SELE: variants seen among roughly 807,000 people sequenced by gnomAD.
The protein encoded by SELE is selectin E, also known as E-selectin.
SELE carries 52 observed loss-of-function variants against 75.8 expected under a neutral mutation model. The observed-to-expected ratio is 0.69, with a 90% CI of 0.55 to 0.86. The LOEUF is 0.86. SELE is among the 40% of genes least tolerant of loss of function. The probability of loss-of-function intolerance (pLI) is 0.00; values close to 1 mark genes in which losing one functional copy is unlikely to be tolerated. For synonymous variants in SELE, 285 were observed against 258.7 expected (o/e 1.10, Z -0.98); for missense variants, 754 against 732.7 (o/e 1.03, Z -0.34).
chr1:169,725,696 C>A (rs770167589), intron 13 of SELE, 33 bp downstream of exon 13: 2 of 1,568,478 alleles, frequency 1.3e-6, no homozygotes, highest in Non-Finnish European at 1.8e-6. Context: ...GAAGATACCT[C>A]TCTCATAACC....
At position 169,729,321 on chromosome 1, in the gene SELE, G is replaced by C. The variant is rs146139168; in HGVS notation, c.955C>G (p.His319Asp). The change falls in exon 7 of 14, where the codon CAT (histidine) becomes GAT (aspartate). Residue 319 changes from histidine to aspartate, a missense_variant. His to Asp is a moderately conservative substitution (Grantham distance 81, BLOSUM62 -1). Coordinates refer to ENST00000333360, the MANE Select transcript of SELE (RefSeq NM_000450.2). ...AAGGTGAACTCTCCAGCAGGGGAAT[G>C]GCTGCACCTCACAGAGCCATTCTGA... ...QPQNGSVRCS[H>D]SPAGEFTFKS... The C allele has an allele frequency of 1.9e-6, 3 of 1,614,114 alleles. No individual in the cohort carries two copies. Among genetic ancestry groups the C allele is most frequent in the Non-Finnish European group, 2.5e-6 (3 of 1,180,010 alleles).
chr1:169,727,552 G>A, intron 9 of SELE, 27 bp from the exon 10 acceptor site: 14 of 1,590,682 alleles, frequency 8.8e-6, no homozygotes, highest in Non-Finnish European at 1.2e-5. Context: ...CACAGGCAGA[G>A]TTTCAGAAAA....
At chr1:169,727,315 A>G (rs1001391451) in intron 10 of SELE, 34 bp downstream of exon 10, 2 of 1,574,850 alleles carry the variant, frequency 1.3e-6, no homozygotes, top group Non-Finnish European at 1.7e-6. Context: ...TTTCTTTTTA[A>G]TCACCAGACA....
rs1446756343 is a variant in SELE, at chr1:169,722,917, G to A, written c.*1608C>T. The stretch of plus-strand genomic sequence containing the variant: ...TAGTTGTTCTCTCTTATTTCCCAGA[G>A]TTTTTCTGCCCCTTTAAAAGAACCT... On this transcript the variant is annotated 3_prime_UTR_variant, in exon 14 of 14. Transcript: ENST00000333360. 1.3e-5 allele frequency: 2 copies of A among 152,148 alleles called. No homozygotes were observed. The highest frequency in any genetic ancestry group is 1.3e-4 in the Admixed American group (2 of 15,260). The allele number at this position is 152,148 out of a possible 1,614,324, so 9.4% of individuals were successfully genotyped here. A position where few individuals can be genotyped will look rare whatever the true frequency, so the allele number is the denominator to read the frequency against.
chr1:169,729,372 C>T lies in SELE; in HGVS notation c.904G>A (p.Val302Met). The T allele has an allele frequency of 6.2e-7, 1 of 1,613,434 alleles. No homozygotes were observed. Among genetic ancestry groups the T allele is most frequent in the Non-Finnish European group, 8.5e-7 (1 of 1,179,658 alleles). ...WDNEKPTCKA[V>M]TCRAVRQPQN... is the part of the protein sequence containing the mutation. ...GGCTGGCGGACGGCCCTGCATGTCA[C>T]AGCTGTAACAAATATACGCATTGAT... The change falls in exon 7 of 14, where the codon GTG (valine) becomes ATG (methionine). Residue 302 changes from valine to methionine, a missense_variant and splice_region_variant. Physicochemically the swap from Val to Met is conservative, Grantham distance 21. Coordinates refer to ENST00000333360, the MANE Select transcript of SELE (RefSeq NM_000450.2).
At chr1:169,730,027 CT>C (rs1276225354) in intron 5 of SELE, among the ~76,000 whole-genome samples, 1 of 151,930 alleles carries the variant, frequency 6.6e-6, no homozygotes, top group African/African-American at 2.4e-5. Flanking sequence ...ACTGATTTTT[CT>C]TTTTTTGGCC....
Position 169,732,936 on chromosome 1 carries a change from C to G in SELE, c.100G>C (p.Asp34His), listed in dbSNP as rs372754267. Residue 34 changes from aspartate to histidine, a missense_variant, in exon 3 of 14, where the codon GAT becomes CAT. Physicochemically the swap from Asp to His is moderately conservative, Grantham distance 81. Coordinates refer to ENST00000333360, the MANE Select transcript of SELE (RefSeq NM_000450.2). ...TGCTGACAATAAGCACTGGCCTCATCATAAGTCATAGCTTCCGTGGAGGTG... is the reference window on the plus strand; with the variant it reads ...TGCTGACAATAAGCACTGGCCTCATGATAAGTCATAGCTTCCGTGGAGGTG... ...YNTSTEAMTY[D>H]EASAYCQQRY... 7 of 1,613,538 alleles carry G rather than the reference C, an allele frequency of 4.3e-6. No individual in the cohort carries two copies. In the South Asian group the frequency reaches 5.5e-5, roughly 13 times the overall value.
At chr1:169,726,005 G>T in intron 11 of SELE, 77 bp from the exon 12 acceptor site, 1 of 1,527,548 alleles carries the variant, frequency 6.5e-7, no homozygotes, top group South Asian at 1.1e-5. Context: ...GATACAATAT[G>T]ACTTAATTCA....
Position 169,729,213 on chromosome 1 carries a change from A to C in SELE, c.1063T>G (p.Trp355Gly). Residue 355 changes from tryptophan (W) to glycine (G), a missense_variant, in exon 7 of 14, where the codon TGG becomes GGG. By Grantham distance (184) the Trp-to-Gly change is radical (BLOSUM62 -2). Coordinates refer to ENST00000333360, the MANE Select transcript of SELE (RefSeq NM_000450.2). Reference protein sequence around the residue: ...AQVECTTQGQWTQQIPVCEAF... With the variant: ...AQVECTTQGQGTQQIPVCEAF... ...TCACAAACTGGGATTTGCTGTGTCC[A>C]CTGCCCTTGAGTGGTGCATTCAACC... 1.2e-6 allele frequency: 2 copies of C among 1,612,958 alleles called. No individual in the cohort carries two copies. The highest frequency in any genetic ancestry group is 1.7e-6 in the Non-Finnish European group (2 of 1,179,394).
rs752115354 is a variant in SELE, at chr1:169,729,633, G to A, written c.756C>T (p.Phe252=). ...TTCCAGGGTTTTGGAAACATTCCACGAACCCATTGGCTGGATTTGTCACAG... is the reference window on the plus strand; with the variant it reads ...TTCCAGGGTTTTGGAAACATTCCACAAACCCATTGGCTGGATTTGTCACAG... The part of the protein sequence containing the change: ...CDAVTNPANG[F]VECFQNPGSF... Residue 252 remains phenylalanine, a synonymous_variant, in exon 6 of 14, where the codon TTC becomes TTT. Transcript: ENST00000333360. 53 of 1,613,950 alleles carry A rather than the reference G, an allele frequency of 3.3e-5. No individual in the cohort carries two copies. The highest frequency in any genetic ancestry group is 2.5e-4 in the East Asian group (11 of 44,890).
rs190462101 is a variant in SELE, at chr1:169,725,821, A to C, written c.1776-20T>G. The C allele has an allele frequency of 1.2e-3, 1,954 of 1,614,004 alleles. 8 individuals carry two copies. Among genetic ancestry groups the C allele is most frequent in the Middle Eastern group, 7.8e-3 (47 of 6,060 alleles). On this transcript the variant is annotated intron_variant, in intron 12 of 13. Coordinates refer to ENST00000333360, the MANE Select transcript of SELE (RefSeq NM_000450.2). ...CAGCTGCTGTGGAATACATGAGAAC[A>C]CTAGGTAAAGCACTGTCTTCCAACA... is the stretch of plus-strand genomic sequence containing the variant.
chr1:169,732,655 A>G lies in SELE; in HGVS notation c.381T>C (p.Asp127=), dbSNP rs1208554694. Residue 127 remains aspartate, a synonymous_variant, in exon 3 of 14, where the codon GAT becomes GAC. Transcript: ENST00000333360. Reference sequence around the variant, plus strand: ...CAAGCTTCTTCTTGCTGCACCTCTCATCATTCCACATGCCCACATCTTTTT... The same window carrying G: ...CAAGCTTCTTCTTGCTGCACCTCTCGTCATTCCACATGCCCACATCTTTTT... ...KREKDVGMWN[D]ERCSKKKLAL... The G allele has an allele frequency of 6.2e-7, 1 of 1,611,732 alleles. No individual in the cohort carries two copies. Among genetic ancestry groups the G allele is most frequent in the Non-Finnish European group, 8.5e-7 (1 of 1,179,142 alleles).
chr1:169,727,965 C>A lies in SELE; in HGVS notation c.1280-38G>T, dbSNP rs144393584. ...AGAGAGCACTTTAGAAGTTTGTTTGCATCTCCAGCAATACGTTTCCCAAGG... is the reference window on the plus strand; with the variant it reads ...AGAGAGCACTTTAGAAGTTTGTTTGAATCTCCAGCAATACGTTTCCCAAGG... On this transcript the variant is annotated intron_variant, in intron 8 of 13. Transcript: ENST00000333360. The A allele has an allele frequency of 3.1e-6, 5 of 1,596,234 alleles. No individual in the cohort carries two copies. The South Asian group carries it at 5.7e-5, about 18-fold the overall frequency.
In SELE at chr1:169,727,728, C is replaced by G; in HGVS notation, c.1468+11G>C. Reference sequence around the variant, plus strand: ...GACCTGTACCCTAAAAAAGTCTGCACTCAATTCTACCTTGGCAGGAAGGAA... The same window carrying G: ...GACCTGTACCCTAAAAAAGTCTGCAGTCAATTCTACCTTGGCAGGAAGGAA... On this transcript the variant is annotated intron_variant, in intron 9 of 13. Coordinates refer to ENST00000333360, the MANE Select transcript of SELE (RefSeq NM_000450.2). The G allele has an allele frequency of 6.2e-7, 1 of 1,611,754 alleles. No individual in the cohort carries two copies. Among genetic ancestry groups the G allele is most frequent in the Non-Finnish European group, 8.5e-7 (1 of 1,178,538 alleles).
At chr1:169,726,874 C>G in intron 10 of SELE, 68 bp from the exon 11 acceptor site, 1 of 1,130,670 alleles carries the variant, frequency 8.8e-7, no homozygotes, top group Non-Finnish European at 1.3e-6. Context: ...CGTCCTGTCC[C>G]TTTGGCCTTT....
chr1:169,731,293 CT>C lies in SELE; in HGVS notation c.529+541del, dbSNP rs1391573352. Among the ~76,000 whole-genome samples, 3 of 152,146 alleles carry C rather than the reference CT, an allele frequency of 2.0e-5. No homozygotes were observed. The South Asian group carries it at 6.2e-4, about 31-fold the overall frequency. ...ACTGCACAACGCTGTGCTAAGGAAT[CT>C]TGGAGAGAAGCTCATCTAACTCTCT... On this transcript the variant is annotated intron_variant, in intron 4 of 13. Coordinates refer to ENST00000333360, the MANE Select transcript of SELE (RefSeq NM_000450.2).
Position 169,725,911 on chromosome 1 carries a change from C to T in SELE, c.1771G>A (p.Ala591Thr), listed in dbSNP as rs1648752466. 1 of 1,614,006 alleles carries T rather than the reference C, an allele frequency of 6.2e-7. No homozygotes were observed. Among genetic ancestry groups the T allele is most frequent in the Non-Finnish European group, 8.5e-7 (1 of 1,179,960 alleles). ...CLRKAKKFVP[A>T]SSCQSLESDG... The stretch of plus-strand genomic sequence containing the variant: ...TTGTATAAGAATGCAACTTACCTGG[C>T]AGGAACAAATTTCTTTGCTGCAAAA... The change falls in exon 12 of 14, where the codon GCC (alanine) becomes ACC (threonine). Residue 591 changes from alanine (A) to threonine (T), a missense_variant. By Grantham distance (58) the Ala-to-Thr change is moderately conservative. Transcript: ENST00000333360.
intron 7 of SELE, 93 bp from the exon 8 acceptor site, chr1:169,728,339 T>A (rs1355381033): frequency 1.7e-6 from 2 of 1,177,126 alleles, no homozygotes; most frequent in Non-Finnish European, 2.4e-6. Flanking sequence ...CAAGCAACAC[T>A]TGGAGAACTG....
Position 169,730,449 on chromosome 1 carries a change from G to A in SELE, c.698C>T (p.Pro233Leu), listed in dbSNP as rs142251831. 5.6e-5 allele frequency: 90 copies of A among 1,601,356 alleles called. No individual in the cohort carries two copies. In the African/African-American group the frequency reaches 1.0e-3, roughly 19 times the overall value. Residue 233 changes from proline (P) to leucine (L), a missense_variant, in exon 5 of 14, where the codon CCT (proline) becomes CTT (leucine). Transcript: ENST00000333360. ...QCMSSGEWSA[P>L]IPACNVVECD... is the part of the protein sequence containing the mutation. The stretch of plus-strand genomic sequence containing the variant: ...GGATTTACCATTGCAGGCTGGAATA[G>A]GAGCACTCCATTCTCCAGAGGACAT...
Sources: gnomAD v4.1 joint callset for allele counts (sites outside exome capture counted in the v4.1 genomes callset) on GRCh38, gnomAD v4.1.1 for gene constraint, MANE v1.5 for transcripts, NCBI Gene and HGNC (gene_info 2026-07-23, HGNC 2026-07-21) for gene names.